RPS6KA5: variants seen among roughly 807,000 people sequenced by gnomAD.
RPS6KA5 encodes the protein ribosomal protein S6 kinase alpha-5.
RPS6KA5 carries 27 observed loss-of-function variants against 85.5 expected under a neutral mutation model. The ratio of observed to expected loss-of-function variants is 0.32; its 90% CI spans 0.23 to 0.44. The LOEUF (loss-of-function observed/expected upper bound fraction) is 0.44, where lower values mean the gene tolerates loss of function less well. Ranked by LOEUF, RPS6KA5 falls within the 20% of genes least tolerant of loss-of-function variation. The pLI, the probability that RPS6KA5 is intolerant of heterozygous loss-of-function variation, is 1.00. For synonymous variants in RPS6KA5, 334 were observed against 348.2 expected (o/e 0.96, Z 0.46); for missense variants, 811 against 980.9 (o/e 0.83, Z 2.31).
rs139402159 is a variant in RPS6KA5 at position 90,958,064 on chromosome 14, C to T, written c.395-10514G>A. Among the ~76,000 whole-genome samples, 488 of 152,164 alleles carry T rather than the reference C, an allele frequency of 3.2e-3. 5 individuals are homozygous for T. Among genetic ancestry groups the T allele is most frequent in the African/African-American group, 0.011 (447 of 41,512 alleles). ...CTGAGCCAGGAGGATCGCTTGAGCC[C>T]AGGAGGTCAAGGCTGCAGTGAACCA... On this transcript the variant is annotated intron_variant, in intron 3 of 16. Coordinates refer to ENST00000614987, the MANE Select transcript of RPS6KA5 (RefSeq NM_004755.4).
rs370576955 is a variant in RPS6KA5, at chr14:90,900,311, G to C, written c.1246-70C>G. 2.4e-5 allele frequency: 27 copies of C among 1,146,480 alleles called. No individual in the cohort carries two copies. In the African/African-American group the frequency reaches 4.0e-4, roughly 17 times the overall value. 71.0% of individuals were successfully genotyped at this position (1,146,480 alleles called of 1,614,324 possible). A position where few individuals can be genotyped will look rare whatever the true frequency, so the allele number is the denominator to read the frequency against. ...TACACAAAGGATCAATAAAATTGTAGAGTAAAATAAAATTATTAATATTAA... is the reference window on the plus strand; with the variant it reads ...TACACAAAGGATCAATAAAATTGTACAGTAAAATAAAATTATTAATATTAA... On this transcript the variant is annotated intron_variant, in intron 10 of 16. Coordinates refer to ENST00000614987, the MANE Select transcript of RPS6KA5 (RefSeq NM_004755.4).
In RPS6KA5 at chr14:91,004,764, G is replaced by A. The variant is rs970514636; in HGVS notation, c.104-3605C>T. Among the ~76,000 whole-genome samples, 8 of 151,576 alleles carry A rather than the reference G, an allele frequency of 5.3e-5. No individual in the cohort carries two copies. In the East Asian group the frequency reaches 1.2e-3, roughly 22 times the overall value. On this transcript the variant is annotated intron_variant, in intron 1 of 16. Transcript: ENST00000614987. Reference sequence around the variant, plus strand: ...GGGTGGATCACGAGGTCAGGAGATCGAGACCATCCTGGCTAACACAGTGAA... The same window carrying A: ...GGGTGGATCACGAGGTCAGGAGATCAAGACCATCCTGGCTAACACAGTGAA...
At chr14:90,935,466 A>T (rs924475442) in intron 5 of RPS6KA5, among the ~76,000 whole-genome samples, 13 of 152,194 alleles carry the variant, frequency 8.5e-5, no homozygotes, top group Non-Finnish European at 1.6e-4. Flanking sequence ...TAATTCTATA[A>T]ATTAGGTATG....
At chr14:90,936,351 G>T (rs1477491839) in intron 5 of RPS6KA5, among the ~76,000 whole-genome samples, 1 of 152,072 alleles carries the variant, frequency 6.6e-6, no homozygotes. Context: ...TGGATTTTTT[G>T]AGATCAGTCC....
chr14:91,011,120 C>A lies in RPS6KA5; in HGVS notation c.104-9961G>T, dbSNP rs375451590. Among the ~76,000 whole-genome samples the A allele has an allele frequency of 1.6e-4, 25 of 152,226 alleles. No homozygotes were observed. In the East Asian group the frequency reaches 4.6e-3, roughly 28 times the overall value. On this transcript the variant is annotated intron_variant, in intron 1 of 16. Coordinates refer to ENST00000614987, the MANE Select transcript of RPS6KA5 (RefSeq NM_004755.4). ...AATCACTGTATGCAGATCAGAAGAA[C>A]TTGAACTTTCCTAATCAAAAGAACA...
intron 1 of RPS6KA5, among the ~76,000 whole-genome samples, chr14:91,027,824 A>G (rs1196314597): frequency 1.3e-5 from 2 of 152,216 alleles, no homozygotes. Flanking sequence ...GAAGTCTTAC[A>G]TGTAACCTCT....
chr14:90,893,266 G>T (rs2034658252), intron 13 of RPS6KA5, among the ~76,000 whole-genome samples: 1 of 152,210 alleles, frequency 6.6e-6, no homozygotes, highest in African/African-American at 2.4e-5. Context: ...TGTTATGTAG[G>T]AGAGTGAGAA....
At chr14:91,007,959 C>T (rs911436265) in intron 1 of RPS6KA5, among the ~76,000 whole-genome samples, 2 of 152,164 alleles carry the variant, frequency 1.3e-5, no homozygotes, top group African/African-American at 4.8e-5. Flanking sequence ...CATGGTCTTC[C>T]AGGATTTCAG....
intron 1 of RPS6KA5, among the ~76,000 whole-genome samples, chr14:91,056,722 T>C (rs970019128): frequency 6.6e-6 from 1 of 152,028 alleles, no homozygotes; most frequent in African/African-American, 2.4e-5. Flanking sequence ...AATAAGTGGG[T>C]AAGATAACCC....
intron 1 of RPS6KA5, among the ~76,000 whole-genome samples, chr14:91,017,071 A>G (rs2041532114): frequency 6.6e-6 from 1 of 152,124 alleles, no homozygotes; most frequent in African/African-American, 2.4e-5. Flanking sequence ...GGTAGCAGAG[A>G]TGGTGGTTAC....
At chr14:90,921,337 C>A (rs541025806) in intron 6 of RPS6KA5, among the ~76,000 whole-genome samples, 1 of 152,070 alleles carries the variant, frequency 6.6e-6, no homozygotes, top group Non-Finnish European at 1.5e-5. Context: ...ACTTTGCATA[C>A]ATTATATCAT....
intron 5 of RPS6KA5, among the ~76,000 whole-genome samples, chr14:90,939,555 G>C (rs964212217): frequency 4.6e-5 from 7 of 152,216 alleles, no homozygotes; most frequent in Non-Finnish European, 8.8e-5. Flanking sequence ...GTGGATGGGG[G>C]AGGTCTCACA....
intron 1 of RPS6KA5, among the ~76,000 whole-genome samples, chr14:91,034,935 A>C (rs75240028): frequency 3.3e-5 from 5 of 152,200 alleles, no homozygotes; most frequent in East Asian, 3.9e-4. Context: ...GAAAAAAAAA[A>C]CAGTTTGCTG....
At chr14:91,018,488 A>C (rs1232542875) in intron 1 of RPS6KA5, among the ~76,000 whole-genome samples, 1 of 152,224 alleles carries the variant, frequency 6.6e-6, no homozygotes, top group South Asian at 2.1e-4. Flanking sequence ...CCACCATCCA[A>C]TCGGCTGCCA....
rs967390993 is a variant in RPS6KA5, at chr14:91,060,542, C to T, written c.-108G>A. 1 of 1,215,008 alleles carries T rather than the reference C, an allele frequency of 8.2e-7. No homozygotes were observed. The highest frequency in any genetic ancestry group is 4.3e-5 in the Admixed American group (1 of 23,028). The allele number at this position is 1,215,008 out of a possible 1,614,324, so 75.3% of individuals were successfully genotyped here. On this transcript the variant is annotated 5_prime_UTR_variant, in exon 1 of 17. Coordinates refer to ENST00000614987, the MANE Select transcript of RPS6KA5 (RefSeq NM_004755.4). Reference sequence around the variant, plus strand: ...CGCGGCCCCAGGAGTCGGGGTGCGGCGGCTCCAGAACTCGGACGCAAAGAC... The same window carrying T: ...CGCGGCCCCAGGAGTCGGGGTGCGGTGGCTCCAGAACTCGGACGCAAAGAC...
intron 1 of RPS6KA5, among the ~76,000 whole-genome samples, chr14:91,002,414 A>G (rs2040830309): frequency 6.6e-6 from 1 of 152,154 alleles, no homozygotes; most frequent in Admixed American, 6.5e-5. Flanking sequence ...AAAATGACAG[A>G]AAACAAAATA....
At chr14:90,990,262 C>G in intron 2 of RPS6KA5, among the ~76,000 whole-genome samples, 2 of 152,104 alleles carry the variant, frequency 1.3e-5, no homozygotes, top group Non-Finnish European at 2.9e-5. Flanking sequence ...ACATTGCCAA[C>G]AAGCATATGA....
At chr14:91,042,383 G>A (rs1337215170) in intron 1 of RPS6KA5, among the ~76,000 whole-genome samples, 2 of 151,960 alleles carry the variant, frequency 1.3e-5, no homozygotes, top group Admixed American at 6.6e-5. Context: ...TTGGTGGCAC[G>A]CGCCTGTAAT....
intron 13 of RPS6KA5, among the ~76,000 whole-genome samples, chr14:90,893,298 G>A (rs796228090): frequency 2.6e-5 from 4 of 152,196 alleles, no homozygotes; most frequent in South Asian, 4.1e-4. Context: ...GAAGCAGAGG[G>A]GAACTATCAT....
Sources: gnomAD v4.1 joint callset for allele counts (sites outside exome capture counted in the v4.1 genomes callset) on GRCh38, gnomAD v4.1.1 for gene constraint, MANE v1.5 for transcripts, NCBI Gene and HGNC (gene_info 2026-07-23, HGNC 2026-07-21) for gene names.